The following IKZF2 variants were observed in gnomAD, a reference collection of about 807,000 sequenced individuals.
The protein encoded by IKZF2 is zinc finger protein Helios.
A neutral mutation model predicts 49.2 loss-of-function variants in IKZF2; 15 were observed. The observed-to-expected ratio is 0.30, with a 90% CI of 0.20 to 0.47. The LOEUF (loss-of-function observed/expected upper bound fraction) is 0.47. Among genes scored for constraint, IKZF2 ranks in the 20% least tolerant of loss-of-function variants. The probability of loss-of-function intolerance (pLI) is 1.00; values close to 1 mark genes in which losing one functional copy is unlikely to be tolerated. For synonymous variants in IKZF2, 227 were observed against 221.4 expected (o/e 1.03, Z -0.23); for missense variants, 567 against 664.6 (o/e 0.85, Z 1.61).
chr2:213,023,033 T>C (rs1191425208), intron 6 of IKZF2, among the ~76,000 whole-genome samples: 1 of 152,138 alleles, frequency 6.6e-6, no homozygotes, highest in Non-Finnish European at 1.5e-5. Context: ...ACAGAGCACT[T>C]TGACTCTTGG....
chr2:213,135,447 G>A (rs2060621366), intron 4 of IKZF2, among the ~76,000 whole-genome samples: 1 of 152,130 alleles, frequency 6.6e-6, no homozygotes, highest in Admixed American at 6.5e-5. Flanking sequence ...AGCTACTCAG[G>A]AGGCTGAGGC....
intron 4 of IKZF2, among the ~76,000 whole-genome samples, chr2:213,064,193 A>G (rs1701959741): frequency 6.6e-6 from 1 of 151,956 alleles, no homozygotes; most frequent in South Asian, 2.1e-4. Context: ...AGGTTAAGGC[A>G]GCAATTTGAG....
intron 4 of IKZF2, among the ~76,000 whole-genome samples, chr2:213,077,126 G>C (rs1237546709): frequency 6.6e-6 from 1 of 152,154 alleles, no homozygotes; most frequent in Non-Finnish European, 1.5e-5. Flanking sequence ...CTGGTATAGA[G>C]AAGGCTTATT....
intron 4 of IKZF2, among the ~76,000 whole-genome samples, chr2:213,076,412 A>G (rs1703268169): frequency 1.3e-5 from 2 of 152,242 alleles, no homozygotes; most frequent in African/African-American, 4.8e-5. Flanking sequence ...AATGTGTAGT[A>G]GGCATAGAAT....
chr2:213,081,948 A>T (rs909438566), intron 4 of IKZF2, among the ~76,000 whole-genome samples: 1 of 152,198 alleles, frequency 6.6e-6, no homozygotes, highest in South Asian at 2.1e-4. Flanking sequence ...CTGCAAAGTC[A>T]GGGAGGTCCT....
At chr2:213,069,957 C>G (rs984038014) in intron 4 of IKZF2, among the ~76,000 whole-genome samples, 2 of 151,980 alleles carry the variant, frequency 1.3e-5, no homozygotes, top group African/African-American at 4.8e-5. Flanking sequence ...ACTAATTTAC[C>G]TAGTGGCAAG....
At chr2:213,124,120 TTTG>T (rs200422920) in intron 4 of IKZF2, among the ~76,000 whole-genome samples, 2,427 of 152,238 alleles carry the variant, frequency 0.016, 25 homozygotes, top group Non-Finnish European at 0.022. Flanking sequence ...ATATTCTTGC[TTTG>T]TTAAGGAAGT....
intron 8 of IKZF2, among the ~76,000 whole-genome samples, chr2:213,009,500 T>C (rs1425732260): frequency 6.6e-6 from 1 of 152,108 alleles, no homozygotes; most frequent in Non-Finnish European, 1.5e-5. Flanking sequence ...TTTTGGCAGA[T>C]ACTCTCAGAT....
intron 4 of IKZF2, among the ~76,000 whole-genome samples, chr2:213,068,166 T>C (rs908283429): frequency 3.3e-5 from 5 of 152,166 alleles, no homozygotes; most frequent in African/African-American, 1.2e-4. Context: ...TAAATGGCTT[T>C]CTTTTAACAC....
intron 6 of IKZF2, among the ~76,000 whole-genome samples, chr2:213,031,822 AT>A (rs1698464751): frequency 6.6e-6 from 1 of 152,344 alleles, no homozygotes; most frequent in East Asian, 1.9e-4. Flanking sequence ...TCTGTTAAAA[AT>A]ATATACATAT....
chr2:213,126,362 G>A (rs1446500790), intron 4 of IKZF2, among the ~76,000 whole-genome samples: 2 of 152,154 alleles, frequency 1.3e-5, no homozygotes, highest in African/African-American at 4.8e-5. Flanking sequence ...TGAGAGTAGG[G>A]TCAATGCTGC....
chr2:213,067,287 A>G (rs1345412593), intron 4 of IKZF2, among the ~76,000 whole-genome samples: 1 of 152,114 alleles, frequency 6.6e-6, no homozygotes, highest in Non-Finnish European at 1.5e-5. Context: ...ATCTGGGGTT[A>G]TGTTTACTAC....
Position 213,091,388 on chromosome 2 carries a change from T to C in IKZF2, c.140-34289A>G, listed in dbSNP as rs141376686. ...AATATGTAGGAAATAATATGAGAGG[T>C]ACATTCATAACAGGTTGAACAACCA... On this transcript the variant is annotated intron_variant, in intron 4 of 8. Coordinates refer to ENST00000434687, the MANE Select transcript of IKZF2 (RefSeq NM_001387220.1). 2.4e-3 allele frequency among the ~76,000 whole-genome samples: 358 copies of C among 152,264 alleles called. 3 individuals carry two copies. The highest frequency in any genetic ancestry group is 0.012 in the Admixed American group (186 of 15,276).
intron 1 of IKZF2, chr2:213,150,488 T>A (rs2061247145): frequency 3.9e-6 from 1 of 257,242 alleles, no homozygotes; most frequent in South Asian, 4.2e-5. Flanking sequence ...GTCCTCCTCC[T>A]CCTCCTCCTT....
intron 4 of IKZF2, among the ~76,000 whole-genome samples, chr2:213,144,613 T>A (rs553637312): frequency 6.6e-6 from 1 of 152,042 alleles, no homozygotes; most frequent in Admixed American, 6.6e-5. Context: ...AGTCCCAGAT[T>A]CTATTTTTAA....
intron 4 of IKZF2, among the ~76,000 whole-genome samples, chr2:213,093,837 T>C (rs1705638099): frequency 1.3e-5 from 2 of 152,322 alleles, no homozygotes; most frequent in Non-Finnish European, 1.5e-5. Context: ...GGAAGAAAGA[T>C]CAACTACATG....
At position 213,013,858 on chromosome 2, in the gene IKZF2, A is replaced by G; in HGVS notation, c.789T>C (p.Pro263=). 2.5e-6 allele frequency: 4 copies of G among 1,612,100 alleles called. No individual in the cohort carries two copies. Among genetic ancestry groups the G allele is most frequent in the Non-Finnish European group, 3.4e-6 (4 of 1,178,512 alleles). Residue 263 remains proline (P), a synonymous_variant, in exon 8 of 9, where the codon CCT becomes CCC. Coordinates refer to ENST00000434687, the MANE Select transcript of IKZF2 (RefSeq NM_001387220.1). ...TCCCCGTGAGCTTCTCTATGACAGC[A>G]GGTCTCTCAAAAGGCACCAGAGAAA... ...NNISLVPFER[P]AVIEKLTGNM...
upstream of IKZF2, chr2:213,152,209 G>A (rs192779423): frequency 7.2e-3 from 1,103 of 152,394 alleles, 7 homozygotes; most frequent in South Asian, 0.018. Flanking sequence ...GGGATTGGTG[G>A]GGAGGCCGGG....
intron 4 of IKZF2, among the ~76,000 whole-genome samples, chr2:213,098,276 G>C (rs1446549473): frequency 6.6e-6 from 1 of 152,090 alleles, no homozygotes; most frequent in Admixed American, 6.6e-5. Flanking sequence ...AAATTACAGA[G>C]TAGAGCAACT....
Sources: gnomAD v4.1 joint callset for allele counts (sites outside exome capture counted in the v4.1 genomes callset) on GRCh38, gnomAD v4.1.1 for gene constraint, MANE v1.5 for transcripts, NCBI Gene and HGNC (gene_info 2026-07-23, HGNC 2026-07-21) for gene names.